GADL1: variants seen among roughly 807,000 people sequenced by gnomAD.
GADL1 encodes GAD like acidic amino acid decarboxylase 1, also known as acidic amino acid decarboxylase GADL1.
GADL1 carries 71 observed loss-of-function variants against 69.5 expected under a neutral mutation model. That is an observed-to-expected ratio of 1.02 (90% CI 0.84 to 1.25). The LOEUF (loss-of-function observed/expected upper bound fraction) is 1.25, where lower values mean the gene tolerates loss of function less well. GADL1 is among the 50% of genes most tolerant of loss of function. The pLI is 0.00. For missense variants in GADL1, 737 were observed against 631.8 expected (o/e 1.17, Z -1.79); for synonymous variants, 254 against 214.4 (o/e 1.18, Z -1.62).
At chr3:30,797,805 G>C (rs1697075757) in intron 12 of GADL1, 1 of 151,930 alleles carries the variant, frequency 6.6e-6, no homozygotes, top group South Asian at 2.1e-4. Flanking sequence ...AAAAAATCCA[G>C]GTTTTTTATA....
intron 1 of GADL1, among the ~76,000 whole-genome samples, chr3:30,876,764 A>C (rs1358679058): frequency 6.6e-6 from 1 of 151,964 alleles, no homozygotes; most frequent in Non-Finnish European, 1.5e-5. Flanking sequence ...CCAATAAGTG[A>C]TAGAAACTGA....
chr3:30,753,673 T>C (rs916757229), intron 14 of GADL1, among the ~76,000 whole-genome samples: 3 of 152,208 alleles, frequency 2.0e-5, no homozygotes, highest in African/African-American at 7.2e-5. Flanking sequence ...AGAATCCCAG[T>C]TCATATTTAG....
chr3:30,880,928 C>T (rs1026610301), intron 1 of GADL1, among the ~76,000 whole-genome samples: 1 of 151,858 alleles, frequency 6.6e-6, no homozygotes, highest in Admixed American at 6.6e-5. Flanking sequence ...ACATAATTGG[C>T]CACCCCCTTT....
intron 14 of GADL1, among the ~76,000 whole-genome samples, chr3:30,730,366 G>A (rs779801568): frequency 7.9e-5 from 12 of 152,246 alleles, no homozygotes; most frequent in Admixed American, 4.6e-4. Flanking sequence ...GAGATAAAGG[G>A]GGATGGCTAA....
intron 6 of GADL1, among the ~76,000 whole-genome samples, chr3:30,848,606 A>AGC (rs1455697451): frequency 6.6e-6 from 1 of 152,110 alleles, no homozygotes; most frequent in African/African-American, 2.4e-5. Flanking sequence ...TGGGTGATGA[A>AGC]GCAGTGGTAG....
chr3:30,823,278 G>A (rs923352035), intron 11 of GADL1, among the ~76,000 whole-genome samples: 2 of 151,928 alleles, frequency 1.3e-5, no homozygotes, highest in East Asian at 3.9e-4. Context: ...CAAAGATTGA[G>A]GTCCTGTGTC....
chr3:30,748,182 A>G (rs951163883), intron 14 of GADL1, among the ~76,000 whole-genome samples: 1 of 152,232 alleles, frequency 6.6e-6, no homozygotes. Context: ...CTATGGATTG[A>G]TTTGGAACAC....
At chr3:30,864,704 G>A (rs770837479) in intron 1 of GADL1, among the ~76,000 whole-genome samples, 1 of 151,954 alleles carries the variant, frequency 6.6e-6, no homozygotes, top group Non-Finnish European at 1.5e-5. Flanking sequence ...AGGATATTCA[G>A]AATTTTCATT....
chr3:30,843,766 G>A (rs1389284065), intron 8 of GADL1, among the ~76,000 whole-genome samples: 1 of 152,146 alleles, frequency 6.6e-6, no homozygotes, highest in Non-Finnish European at 1.5e-5. Context: ...AAGCAACCTG[G>A]GAGAATAGGT....
In GADL1 at chr3:30,865,301, ATATATT is replaced by A. The variant is rs200501003; in HGVS notation, c.38-3542_38-3537del. On this transcript the variant is annotated intron_variant, in intron 1 of 14. Coordinates refer to ENST00000282538, the MANE Select transcript of GADL1 (RefSeq NM_207359.3). ...CGTAAATTAATATATATATATATAT[ATATATT>A]TTTTAATATCTGTCTCTCCAATAAA... Among the ~76,000 whole-genome samples, 1,165 of 101,150 alleles carry A rather than the reference ATATATT, an allele frequency of 0.012. 60 individuals are homozygous for A. In the East Asian group the frequency reaches 0.27, roughly 23 times the overall value. The allele number at this position is 101,150 out of a possible 152,430, so 66.4% of individuals were successfully genotyped here. A position where few individuals can be genotyped will look rare whatever the true frequency, so the allele number is the denominator to read the frequency against.
chr3:30,795,144 T>C (rs527846632), intron 12 of GADL1, among the ~76,000 whole-genome samples: 1 of 152,316 alleles, frequency 6.6e-6, no homozygotes, highest in Non-Finnish European at 1.5e-5. Flanking sequence ...ACAATGTTTC[T>C]GTAACTTAGA....
intron 14 of GADL1, among the ~76,000 whole-genome samples, chr3:30,754,429 A>G (rs1231765344): frequency 6.6e-6 from 1 of 152,196 alleles, no homozygotes; most frequent in East Asian, 1.9e-4. Context: ...AAAAGCATGA[A>G]TCCTAAAGGG....
intron 1 of GADL1, among the ~76,000 whole-genome samples, chr3:30,874,092 TA>T (rs1433371540): frequency 2.6e-5 from 4 of 152,006 alleles, no homozygotes; most frequent in African/African-American, 9.6e-5. Flanking sequence ...CATTGCTGAG[TA>T]GGGTTTGCAA....
intron 14 of GADL1, among the ~76,000 whole-genome samples, chr3:30,751,537 A>G (rs941623527): frequency 3.3e-5 from 5 of 151,566 alleles, no homozygotes; most frequent in Non-Finnish European, 5.9e-5. Context: ...CTATGAAAAT[A>G]GGCAAGCTGG....
chr3:30,886,747 C>T (rs765100112), intron 1 of GADL1, among the ~76,000 whole-genome samples: 3 of 152,176 alleles, frequency 2.0e-5, no homozygotes, highest in Non-Finnish European at 4.4e-5. Flanking sequence ...CTGAATGGAG[C>T]TTCTGGGTCC....
chr3:30,823,002 C>T (rs1040533996), intron 11 of GADL1, among the ~76,000 whole-genome samples: 22 of 151,874 alleles, frequency 1.4e-4, no homozygotes, highest in Admixed American at 3.9e-4. Context: ...AAATTCAGAA[C>T]GTGGCACATA....
chr3:30,753,946 TCAC>T (rs931821687), intron 14 of GADL1, among the ~76,000 whole-genome samples: 4 of 151,792 alleles, frequency 2.6e-5, no homozygotes, highest in African/African-American at 9.7e-5. Context: ...TAAAATGACA[TCAC>T]TACTGTTAGC....
At chr3:30,826,911 G>T (rs1387767223) in intron 11 of GADL1, among the ~76,000 whole-genome samples, 3 of 151,872 alleles carry the variant, frequency 2.0e-5, no homozygotes, top group African/African-American at 7.2e-5. Flanking sequence ...ACAACCCAGA[G>T]TCAAGATTTT....
intron 11 of GADL1, among the ~76,000 whole-genome samples, chr3:30,802,661 A>T (rs1445473456): frequency 6.6e-6 from 1 of 152,260 alleles, no homozygotes; most frequent in East Asian, 1.9e-4. Flanking sequence ...TAATGTAAGC[A>T]ACATTGTCTT....
Sources: allele counts gnomAD v4.1 joint callset (sites outside exome capture counted in the v4.1 genomes callset), GRCh38; gene constraint gnomAD v4.1.1; transcripts MANE v1.5; gene names NCBI Gene and HGNC (gene_info 2026-07-23, HGNC 2026-07-21).